The following NSD3 variants were observed in gnomAD, a reference collection of about 807,000 sequenced individuals.
NSD3 encodes the protein histone-lysine N-methyltransferase NSD3.
In NSD3, 24 loss-of-function variants were observed where a neutral mutation model predicts 160.8. That is an observed-to-expected ratio of 0.15 (90% CI 0.11 to 0.21). The LOEUF (loss-of-function observed/expected upper bound fraction) is 0.21. Ranked by LOEUF, NSD3 falls within the 10% of genes least tolerant of loss-of-function variation. The probability of loss-of-function intolerance (pLI) is 1.00; values close to 1 mark genes in which losing one functional copy is unlikely to be tolerated. For synonymous variants in NSD3, 520 were observed against 600.0 expected, an observed-to-expected ratio of 0.87 and a Z score of 1.95; for missense variants, 1,157 against 1,735.9, an observed-to-expected ratio of 0.67 and a Z score of 5.93.
chr8:38,377,710 A>C (rs754718162), intron 1 of NSD3, among the ~76,000 whole-genome samples: 10 of 151,346 alleles, frequency 6.6e-5, no homozygotes, highest in Non-Finnish European at 1.2e-4. Flanking sequence ...AAAATGAAAA[A>C]GTGGCCAGGT....
chr8:38,297,830 T>C (rs960364963), intron 15 of NSD3, among the ~76,000 whole-genome samples: 6 of 152,116 alleles, frequency 3.9e-5, no homozygotes, highest in Non-Finnish European at 8.8e-5. Context: ...ATTTTTTTTT[T>C]CCATCAGAAA....
chr8:38,312,741 G>A (rs757825114), intron 12 of NSD3, among the ~76,000 whole-genome samples: 8 of 152,120 alleles, frequency 5.3e-5, no homozygotes, highest in Non-Finnish European at 1.2e-4. Context: ...ATGATTGTAA[G>A]TTTCCTGAGG....
At chr8:38,289,587 C>A in intron 17 of NSD3, 82 bp from the exon 18 acceptor site, 1 of 1,227,558 alleles carries the variant, frequency 8.1e-7, no homozygotes, top group South Asian at 1.3e-5. Flanking sequence ...GCTGCCTTCC[C>A]AATGCTTTGC....
At chr8:38,278,090 C>CA (rs1456143449) in intron 22 of NSD3, among the ~76,000 whole-genome samples, 1 of 152,162 alleles carries the variant, frequency 6.6e-6, no homozygotes, top group Non-Finnish European at 1.5e-5. Context: ...AGGCACCCAT[C>CA]ACCATGCCCA....
chr8:38,365,962 T>C (rs1811095547), intron 1 of NSD3, among the ~76,000 whole-genome samples: 1 of 152,038 alleles, frequency 6.6e-6, no homozygotes, highest in Non-Finnish European at 1.5e-5. Context: ...TTAAATGTTA[T>C]GTAAACATAA....
intron 20 of NSD3, among the ~76,000 whole-genome samples, chr8:38,280,388 A>AT (rs1438949569): frequency 6.6e-6 from 1 of 152,218 alleles, no homozygotes; most frequent in Non-Finnish European, 1.5e-5. Flanking sequence ...AAAGAACGAC[A>AT]TTTTAACTGA....
At position 38,269,984 on chromosome 8, in the gene NSD3, C is replaced by T. The variant is rs943381069; in HGVS notation, c.*5657G>A. On this transcript the variant is annotated 3_prime_UTR_variant, in exon 24 of 24. Transcript: ENST00000317025. ...AATAAGCTATCTATATACAGGTTAACCAAGCTTTACACGTTTCACACTATG... is the reference window on the plus strand; with the variant it reads ...AATAAGCTATCTATATACAGGTTAATCAAGCTTTACACGTTTCACACTATG... 3 of 152,200 alleles carry T rather than the reference C, an allele frequency of 2.0e-5. No individual in the cohort carries two copies. The highest frequency in any genetic ancestry group is 1.9e-4 in the East Asian group (1 of 5,206). 9.4% of individuals were successfully genotyped at this position (152,200 alleles called of 1,614,324 possible). A position where few individuals can be genotyped will look rare whatever the true frequency, so the allele number is the denominator to read the frequency against.
chr8:38,282,536 T>C (rs562301052), intron 19 of NSD3, among the ~76,000 whole-genome samples: 11 of 152,258 alleles, frequency 7.2e-5, no homozygotes, highest in African/African-American at 2.6e-4. Context: ...TCAGGCGTGG[T>C]GGCACATGCC....
intron 1 of NSD3, among the ~76,000 whole-genome samples, chr8:38,362,771 CTT>C (rs931142318): frequency 1.6e-4 from 24 of 152,156 alleles, no homozygotes; most frequent in African/African-American, 5.6e-4. Context: ...GAAGCTCTGT[CTT>C]TTGTATCAGT....
chr8:38,294,084 G>A (rs1809075054), intron 16 of NSD3, among the ~76,000 whole-genome samples: 1 of 151,726 alleles, frequency 6.6e-6, no homozygotes, highest in Admixed American at 6.6e-5. Context: ...GTTTAATTGT[G>A]TTTTTTTGTT....
chr8:38,354,739 A>C (rs1205633360), intron 1 of NSD3, among the ~76,000 whole-genome samples: 1 of 152,210 alleles, frequency 6.6e-6, no homozygotes, highest in African/African-American at 2.4e-5. Flanking sequence ...GGGGAAAAAA[A>C]AAACAAATGA....
intron 19 of NSD3, among the ~76,000 whole-genome samples, chr8:38,283,068 C>A (rs1406568858): frequency 1.3e-5 from 2 of 152,176 alleles, no homozygotes; most frequent in African/African-American, 4.8e-5. Context: ...GCTATACCAT[C>A]GTTATGTTCC....
chr8:38,346,895 TTA>T, intron 2 of NSD3, among the ~76,000 whole-genome samples: 1 of 142,696 alleles, frequency 7.0e-6, no homozygotes, highest in South Asian at 2.1e-4. Context: ...TAAGCTAGAA[TTA>T]TGTTACATAC....
intron 4 of NSD3, among the ~76,000 whole-genome samples, chr8:38,332,640 T>C (rs778619442): frequency 2.0e-5 from 3 of 152,270 alleles, no homozygotes; most frequent in South Asian, 2.1e-4. Flanking sequence ...TGAGTAAGCA[T>C]TGAGAAGCTC....
At chr8:38,342,637 G>A (rs925249614) in intron 2 of NSD3, among the ~76,000 whole-genome samples, 38 of 151,500 alleles carry the variant, frequency 2.5e-4, no homozygotes, top group African/African-American at 5.6e-4. Flanking sequence ...GCATGATCTC[G>A]GCTCACTACA....
intron 1 of NSD3, among the ~76,000 whole-genome samples, chr8:38,361,462 AAGAC>A (rs1032865531): frequency 6.6e-6 from 1 of 151,760 alleles, no homozygotes; most frequent in Non-Finnish European, 1.5e-5. Context: ...ATAAAAACAA[AAGAC>A]AGAAAGGGGC....
rs1336154445 is a variant in NSD3 at position 38,273,989 on chromosome 8, T to A, written c.*1652A>T. The A allele has an allele frequency of 1.3e-5, 2 of 152,176 alleles. No individual in the cohort carries two copies. Among genetic ancestry groups the A allele is most frequent in the African/African-American group, 4.8e-5 (2 of 41,442 alleles). 9.4% of individuals were successfully genotyped at this position (152,176 alleles called of 1,614,324 possible). ...AAAACAGATTTTCACCCTCTTTCCA[T>A]AGAAGAGCTCTAAATTGATAAGCAA... On this transcript the variant is annotated 3_prime_UTR_variant, in exon 24 of 24. Transcript: ENST00000317025.
rs1355058266 is a variant in NSD3, at chr8:38,318,739, G to A, written c.1855+156C>T. Among the ~76,000 whole-genome samples the A allele has an allele frequency of 1.3e-5, 2 of 151,642 alleles. No individual in the cohort carries two copies. The highest frequency in any genetic ancestry group is 3.0e-5 in the Non-Finnish European group (2 of 67,784). On this transcript the variant is annotated intron_variant, in intron 9 of 23. Coordinates refer to ENST00000317025, the MANE Select transcript of NSD3 (RefSeq NM_023034.2). The surrounding 1 kb of genome is among the most constrained non-coding windows in gnomAD (Gnocchi z 5.3). ...GTACAGAATAAGATCAACTCTAAAA[G>A]TCACACACACACACGAACACTGGGG... is the stretch of plus-strand genomic sequence containing the variant.
At chr8:38,337,885 C>T (rs2150378987) in intron 3 of NSD3, among the ~76,000 whole-genome samples, 1 of 152,286 alleles carries the variant, frequency 6.6e-6, no homozygotes, top group East Asian at 1.9e-4. Context: ...ATACTTTTCT[C>T]TGATGCCTCC....
Sources: allele counts gnomAD v4.1 joint callset (sites outside exome capture counted in the v4.1 genomes callset), GRCh38; gene constraint gnomAD v4.1.1; non-coding constraint Gnocchi (gnomAD v3.1); transcripts MANE v1.5; gene names NCBI Gene and HGNC (gene_info 2026-07-23, HGNC 2026-07-21).